Variants in BRCA1 observed in about 807,000 individuals in gnomAD.
BRCA1 encodes BRCA1 DNA repair associated.
A neutral mutation model predicts 173.7 loss-of-function variants in BRCA1; 140 were observed. The observed-to-expected ratio is 0.81, with a 90% CI of 0.70 to 0.93. The LOEUF is 0.93. BRCA1 is among the 40% of genes least tolerant of loss of function. The probability of loss-of-function intolerance (pLI) is 0.00; values close to 1 mark genes in which losing one functional copy is unlikely to be tolerated. For synonymous variants in BRCA1, 662 were observed against 756.0 expected (o/e 0.88, Z 2.04); for missense variants, 1,983 against 2,172.5 (o/e 0.91, Z 1.73).
At chr17:43,082,656 A>C in intron 11 of BRCA1, 81 bp from the exon 12 acceptor site, 1 of 1,482,356 alleles carries the variant, frequency 6.7e-7, no homozygotes, top group Non-Finnish European at 9.3e-7. Flanking sequence ...CATACAAATT[A>C]ATTTTAGCAC....
At chr17:43,107,206 A>T (rs984134694) in intron 3 of BRCA1, among the ~76,000 whole-genome samples, 32 of 151,378 alleles carry the variant, frequency 2.1e-4, no homozygotes, top group African/African-American at 7.0e-4. Flanking sequence ...CTGGGACTAC[A>T]GGCGCCCAGC....
At chr17:43,133,051 C>CTCACGCCTG (rs2055983625) in intron 1 of BRCA1, 1 of 152,190 alleles carries the variant, frequency 6.6e-6, no homozygotes, top group African/African-American at 2.4e-5. Flanking sequence ...GGATTACAGG[C>CTCACGCCTG]GTGAGCCACC....
chr17:43,050,089 T>G (rs1267110099), intron 20 of BRCA1: 2 of 398,524 alleles, frequency 5.0e-6, no homozygotes, highest in Non-Finnish European at 4.4e-6. Flanking sequence ...TTGCTGTCAC[T>G]CATCTGCCTG....
intron 1 of BRCA1, chr17:43,163,360 A>T (rs1350430448): frequency 6.6e-6 from 1 of 152,244 alleles, no homozygotes; most frequent in Non-Finnish European, 1.5e-5. Flanking sequence ...TGGGACCAAC[A>T]TGAGGTTTTC....
rs12949768 is a variant in BRCA1 at position 43,050,562 on chromosome 17, G to A, written c.5332+501C>T. ...CGGGAGGTGGAGGTTGCAGTGAGCC[G>A]AGATCGCGCCATTGCACTCTGGCCT... On this transcript the variant is annotated intron_variant, in intron 20 of 22. Coordinates refer to ENST00000357654, the MANE Select transcript of BRCA1 (RefSeq NM_007294.4). Among the ~76,000 whole-genome samples the A allele has an allele frequency of 0.069, 10,378 of 150,592 alleles. 428 individuals are homozygous for A. The highest frequency in any genetic ancestry group is 0.11 in the South Asian group (533 of 4,686).
In BRCA1 at chr17:43,076,555, A is replaced by G. The variant is rs398122686; in HGVS notation, c.4417T>C (p.Ser1473Pro). The change falls in exon 13 of 23, where the codon TCT (serine) becomes CCT (proline). Residue 1473 changes from serine to proline, a missense_variant. Transcript: ENST00000357654. The part of the protein sequence containing the change: ...YPISQNPEGL[S>P]ADKFEVSADS... ...GCAGACACCTCAAACTTGTCAGCAG[A>G]AAGGCCTTCTGGATTCTGGCTTATA... The G allele has an allele frequency of 1.2e-6, 2 of 1,613,668 alleles. No homozygotes were observed. Among genetic ancestry groups the G allele is most frequent in the Non-Finnish European group, 1.7e-6 (2 of 1,179,816 alleles).
chr17:43,152,997 T>C (rs905677435), intron 1 of BRCA1, among the ~76,000 whole-genome samples: 1 of 152,216 alleles, frequency 6.6e-6, no homozygotes, highest in East Asian at 1.9e-4. Flanking sequence ...ATCTTGCCAC[T>C]GCCCTCCAGC....
intron 1 of BRCA1, among the ~76,000 whole-genome samples, chr17:43,169,318 G>A (rs1030458701): frequency 7.2e-5 from 11 of 152,016 alleles, no homozygotes; most frequent in Non-Finnish European, 1.6e-4. Flanking sequence ...GCTGGCGCGC[G>A]CCACCACGCC....
intron 6 of BRCA1, among the ~76,000 whole-genome samples, chr17:43,100,158 C>A (rs530144125): frequency 6.6e-6 from 1 of 152,140 alleles, no homozygotes; most frequent in East Asian, 1.9e-4. Flanking sequence ...GAGACCCAGT[C>A]TCTACAAAAT....
intron 1 of BRCA1, chr17:43,167,886 G>C (rs1202826071): frequency 6.5e-6 from 1 of 153,218 alleles, no homozygotes; most frequent in African/African-American, 2.4e-5. Flanking sequence ...ATCTAAACTA[G>C]ATTCCTGCCC....
At chr17:43,115,541 AG>A (rs1469330511) in intron 3 of BRCA1, among the ~76,000 whole-genome samples, 184 bp downstream of exon 3, 2 of 151,974 alleles carry the variant, frequency 1.3e-5, no homozygotes, top group Non-Finnish European at 2.9e-5. Flanking sequence ...AAACTTTACC[AG>A]GAACTATGAT....
chr17:43,059,469 CACAACAACA>C lies in BRCA1; in HGVS notation c.5194-2343_5194-2335del, dbSNP rs746155740. On this transcript the variant is annotated intron_variant, in intron 18 of 22. Coordinates refer to ENST00000357654, the MANE Select transcript of BRCA1 (RefSeq NM_007294.4). ...CCTGGGCAACAGAACGAGATGCTGT[CACAACAACA>C]ACAACAACAACAACAACAACAACAA... 1.4e-3 allele frequency among the ~76,000 whole-genome samples: 205 copies of C among 147,542 alleles called. No homozygotes were observed. The East Asian group carries it at 0.015, about 11-fold the overall frequency.
At chr17:43,111,193 GTAT>G (rs921985198) in intron 3 of BRCA1, among the ~76,000 whole-genome samples, 1 of 151,844 alleles carries the variant, frequency 6.6e-6, no homozygotes, top group Non-Finnish European at 1.5e-5. Flanking sequence ...TTCTAGATTG[GTAT>G]TATTATCTTT....
At chr17:43,048,817 C>T (rs1481441861) in intron 21 of BRCA1, among the ~76,000 whole-genome samples, 1 of 152,010 alleles carries the variant, frequency 6.6e-6, no homozygotes, top group Non-Finnish European at 1.5e-5. Flanking sequence ...CATGCCCAGC[C>T]TCCAGCCCAT....
chr17:43,152,683 T>C (rs554908572), intron 1 of BRCA1, among the ~76,000 whole-genome samples: 326 of 151,986 alleles, frequency 2.1e-3, no homozygotes, highest in Non-Finnish European at 4.1e-3. Context: ...TGAAACCCCA[T>C]CTCTACTAAA....
intron 18 of BRCA1, among the ~76,000 whole-genome samples, chr17:43,061,023 G>A (rs1231004207): frequency 2.0e-5 from 3 of 152,098 alleles, no homozygotes; most frequent in Non-Finnish European, 2.9e-5. Flanking sequence ...CTACTCAGGA[G>A]GCCAAGGCAG....
At chr17:43,088,812 A>G (rs1350268442) in intron 11 of BRCA1, among the ~76,000 whole-genome samples, 2 of 152,230 alleles carry the variant, frequency 1.3e-5, no homozygotes, top group African/African-American at 2.4e-5. Context: ...AAGATCACAT[A>G]GCCCAGTACA....
Position 43,104,128 on chromosome 17 carries a change from A to C in BRCA1, c.435T>G (p.Pro145=). ...AGAAAACAAATGGTTTTACCAAGGA[A>C]GGATTTTCGGGTTCACTCTGTAGAA... The part of the protein sequence containing the change: ...KRLLQSEPEN[P]SLQETSLSVQ... Residue 145 remains proline, a synonymous_variant, in exon 6 of 23, where the codon CCT becomes CCG. Coordinates refer to ENST00000357654, the MANE Select transcript of BRCA1 (RefSeq NM_007294.4). The C allele has an allele frequency of 3.1e-6, 5 of 1,613,562 alleles. No homozygotes were observed. The highest frequency in any genetic ancestry group is 4.2e-6 in the Non-Finnish European group (5 of 1,179,762).
chr17:43,074,655 G>T, intron 13 of BRCA1, 134 bp from the exon 14 acceptor site: 1 of 803,188 alleles, frequency 1.2e-6, no homozygotes, highest in Non-Finnish European at 2.1e-6. Flanking sequence ...AAAAGAGCCC[G>T]CAAGACAGCC....
Sources: gnomAD v4.1 joint callset for allele counts (sites outside exome capture counted in the v4.1 genomes callset) on GRCh38, gnomAD v4.1.1 for gene constraint, MANE v1.5 for transcripts, NCBI Gene and HGNC (gene_info 2026-07-23, HGNC 2026-07-21) for gene names.